Variants in NRDC observed in about 807,000 individuals in gnomAD.
NRDC encodes the protein nardilysin convertase.
Under a neutral mutation model 147.1 loss-of-function variants are expected in NRDC, and 54 were observed. That is an observed-to-expected ratio of 0.37 (90% CI 0.29 to 0.46). NRDC has a LOEUF of 0.46. NRDC is among the 20% of genes least tolerant of loss of function. The probability of loss-of-function intolerance (pLI) is 1.00; values close to 1 mark genes in which losing one functional copy is unlikely to be tolerated. For synonymous variants in NRDC, 440 were observed against 482.1 expected, an observed-to-expected ratio of 0.91 and a Z score of 1.14; for missense variants, 1,082 against 1,370.6, an observed-to-expected ratio of 0.79 and a Z score of 3.33.
chr1:51,790,867 C>T (rs1322386536), intron 28 of NRDC, 33 bp downstream of exon 28: 1 of 1,572,316 alleles, frequency 6.4e-7, no homozygotes, highest in Non-Finnish European at 8.7e-7. Flanking sequence ...CTTGTGTGGG[C>T]CAAAGGCCAA....
chr1:51,819,894 T>C lies in NRDC; in HGVS notation c.1218-21A>G, dbSNP rs1001728877. On this transcript the variant is annotated intron_variant, in intron 8 of 30. Coordinates refer to ENST00000352171, the MANE Select transcript of NRDC (RefSeq NM_001101662.2). ...ACCCACTGAAAATAAAACAAATACA[T>C]ACAAATTTAACTGGCAAAAGCCTTT... 20 of 1,582,352 alleles carry C rather than the reference T, an allele frequency of 1.3e-5. No individual in the cohort carries two copies. In the East Asian group the frequency reaches 4.5e-4, roughly 35 times the overall value.
Position 51,878,577 on chromosome 1 carries a change from G to T in NRDC, c.39C>A (p.Thr13=). 6.2e-7 allele frequency: 1 copy of T among 1,613,168 alleles called. No individual in the cohort carries two copies. Among genetic ancestry groups the T allele is most frequent in the South Asian group, 1.1e-5 (1 of 90,944 alleles). Residue 13 remains threonine, a synonymous_variant, in exon 1 of 31, where the codon ACC becomes ACA. Coordinates refer to ENST00000352171, the MANE Select transcript of NRDC (RefSeq NM_001101662.2). ...RRVTVAAVCA[T]RRKLCEAGRE... ...GCCCGGCCTCACACAACTTCCTCCG[G>T]GTGGCACAGACTGCAGCAACAGTGA...
intron 1 of NRDC, among the ~76,000 whole-genome samples, chr1:51,862,719 C>T (rs568816345): frequency 6.6e-6 from 1 of 151,420 alleles, no homozygotes; most frequent in Non-Finnish European, 1.5e-5. Flanking sequence ...TGAGGAGGCC[C>T]TGTCTTAAAA....
chr1:51,809,905 C>CAA (rs1342175582), intron 16 of NRDC, among the ~76,000 whole-genome samples: 86 of 133,030 alleles, frequency 6.5e-4, no homozygotes, highest in African/African-American at 1.9e-3. Context: ...AACTCTGTCT[C>CAA]AAAAAAAAAA....
intron 1 of NRDC, among the ~76,000 whole-genome samples, chr1:51,867,188 C>G (rs1391842902): frequency 6.6e-6 from 1 of 150,680 alleles, no homozygotes; most frequent in East Asian, 1.9e-4. Context: ...AATAAAGTAA[C>G]CAAAAAAAAA....
At position 51,790,655 on chromosome 1, in the gene NRDC, C is replaced by A; in HGVS notation, c.3052-6G>T. 1 of 1,596,588 alleles carries A rather than the reference C, an allele frequency of 6.3e-7. No individual in the cohort carries two copies. The highest frequency in any genetic ancestry group is 8.6e-7 in the Non-Finnish European group (1 of 1,164,130). On this transcript the variant is annotated splice_polypyrimidine_tract_variant and splice_region_variant and intron_variant, in intron 28 of 30. Transcript: ENST00000352171. The stretch of plus-strand genomic sequence containing the variant: ...AGCTTGATGAGAGCTGTGACCTGTT[C>A]CCACCAAAAAGAAAGATGCTCAGGT...
chr1:51,795,255 C>A (rs1306407381), intron 22 of NRDC: 27 of 1,233,714 alleles, frequency 2.2e-5, no homozygotes, highest in Non-Finnish European at 2.9e-5. Context: ...TGAATACATC[C>A]TCTTCCCTTC....
intron 6 of NRDC, among the ~76,000 whole-genome samples, chr1:51,824,440 T>C (rs72663143): frequency 0.016 from 2,385 of 152,190 alleles, 23 homozygotes; most frequent in Non-Finnish European, 0.023. Flanking sequence ...TTCTTAAAAA[T>C]AAAACACATG....
Position 51,792,432 on chromosome 1 carries a change from G to A in NRDC, c.2776-8C>T. ...TAGACTCCTGGTACCTGACTGAAAA[G>A]AGAAGGTTGTCAGGCCAACTGAATA... On this transcript the variant is annotated splice_region_variant and splice_polypyrimidine_tract_variant and intron_variant, in intron 24 of 30. Coordinates refer to ENST00000352171, the MANE Select transcript of NRDC (RefSeq NM_001101662.2). The A allele has an allele frequency of 6.2e-7, 1 of 1,613,922 alleles. No homozygotes were observed.
In NRDC at chr1:51,863,013, GAAAAAAAAAA is replaced by G. The variant is rs562410956; in HGVS notation, c.341+15252_341+15261del. On this transcript the variant is annotated intron_variant, in intron 1 of 30. Transcript: ENST00000352171. ...TGACAGAGTGAGACTCTGTGTGGAG[GAAAAAAAAAA>G]AAAAAAAAAAAAAAACAAGCAATAA... 1.1e-3 allele frequency among the ~76,000 whole-genome samples: 35 copies of G among 32,056 alleles called. No homozygotes were observed. The East Asian group carries it at 0.023, about 21-fold the overall frequency. The allele number at this position is 32,056 out of a possible 152,430, so 21.0% of individuals were successfully genotyped here. A position where few individuals can be genotyped will look rare whatever the true frequency, so the allele number is the denominator to read the frequency against.
At chr1:51,859,015 G>T (rs1344794248) in intron 1 of NRDC, among the ~76,000 whole-genome samples, 4 of 151,868 alleles carry the variant, frequency 2.6e-5, no homozygotes, top group Admixed American at 2.0e-4. Context: ...AGCAAATGAG[G>T]GTACAATATG....
chr1:51,854,831 T>C (rs1033175333), intron 1 of NRDC, among the ~76,000 whole-genome samples: 1 of 152,154 alleles, frequency 6.6e-6, no homozygotes, highest in South Asian at 2.1e-4. Flanking sequence ...CTAAAGATAA[T>C]ACCTTAACAT....
At position 51,851,847 on chromosome 1, in the gene NRDC, G is replaced by A. The variant is rs79951244; in HGVS notation, c.342-11333C>T. Among the ~76,000 whole-genome samples the A allele has an allele frequency of 1.3e-3, 203 of 152,306 alleles. 5 individuals carry two copies. The East Asian group carries it at 0.03, about 22-fold the overall frequency. The stretch of plus-strand genomic sequence containing the variant: ...TGCAAGCTCAAAACTGCCTGCTTTA[G>A]ATCCCCTCCAGGAACAGCAGTGGTA... On this transcript the variant is annotated intron_variant, in intron 1 of 30. Coordinates refer to ENST00000352171, the MANE Select transcript of NRDC (RefSeq NM_001101662.2).
intron 1 of NRDC, among the ~76,000 whole-genome samples, chr1:51,847,445 G>A (rs1390957774): frequency 6.6e-6 from 1 of 152,248 alleles, no homozygotes; most frequent in Non-Finnish European, 1.5e-5. Context: ...GCTCGTTGGG[G>A]AGGCTCGGGG....
intron 1 of NRDC, among the ~76,000 whole-genome samples, chr1:51,868,420 T>TA (rs1682924275): frequency 6.6e-6 from 1 of 151,786 alleles, no homozygotes; most frequent in Admixed American, 6.6e-5. Context: ...GATAGAACGT[T>TA]AAGAACAAAA....
chr1:51,874,552 T>C (rs893869885), intron 1 of NRDC, among the ~76,000 whole-genome samples: 3 of 151,622 alleles, frequency 2.0e-5, no homozygotes, highest in African/African-American at 4.8e-5. Context: ...GAGGCTGCAG[T>C]GAGCCGTGAT....
intron 1 of NRDC, among the ~76,000 whole-genome samples, chr1:51,876,430 T>A (rs1367550206): frequency 3.3e-5 from 5 of 152,202 alleles, no homozygotes; most frequent in Non-Finnish European, 7.3e-5. Context: ...CTTATACACA[T>A]AACCTGAAGA....
chr1:51,859,635 A>C (rs1213351034), intron 1 of NRDC: 1 of 152,228 alleles, frequency 6.6e-6, no homozygotes, highest in African/African-American at 2.4e-5. Context: ...CCTGCCCTTC[A>C]TACCCATCTT....
At chr1:51,845,483 C>T (rs1681509782) in intron 1 of NRDC, among the ~76,000 whole-genome samples, 1 of 152,170 alleles carries the variant, frequency 6.6e-6, no homozygotes, top group African/African-American at 2.4e-5. Context: ...GTCCCAGCTA[C>T]TCAGGAAGCT....
Sources: allele counts gnomAD v4.1 joint callset (sites outside exome capture counted in the v4.1 genomes callset), GRCh38; gene constraint gnomAD v4.1.1; transcripts MANE v1.5; gene names NCBI Gene and HGNC (gene_info 2026-07-23, HGNC 2026-07-21).